The following PRKAG2 variants were observed in gnomAD, a reference collection of about 807,000 sequenced individuals.
The protein encoded by PRKAG2 is 5'-AMP-activated protein kinase subunit gamma-2.
Under a neutral mutation model 69.6 loss-of-function variants are expected in PRKAG2, and 26 were observed. The ratio of observed to expected loss-of-function variants is 0.37; its 90% CI spans 0.27 to 0.52. PRKAG2 has a LOEUF of 0.52. Ranked by LOEUF, PRKAG2 falls within the 20% of genes least tolerant of loss-of-function variation. The pLI is 0.90. For synonymous variants in PRKAG2, 293 were observed against 285.0 expected, an observed-to-expected ratio of 1.03 and a Z score of -0.28; for missense variants, 557 against 740.0, an observed-to-expected ratio of 0.75 and a Z score of 2.87.
chr7:151,871,707 T>G (rs1018671477), intron 1 of PRKAG2, among the ~76,000 whole-genome samples: 3 of 152,232 alleles, frequency 2.0e-5, no homozygotes, highest in African/African-American at 4.8e-5. Flanking sequence ...GGATTCTTCC[T>G]TCCTGGTGTC....
intron 3 of PRKAG2, among the ~76,000 whole-genome samples, chr7:151,755,090 T>C (rs2074991774): frequency 1.3e-5 from 2 of 152,108 alleles, no homozygotes. Flanking sequence ...TTCAGAGCTG[T>C]CCTGAGCGGG....
intron 3 of PRKAG2, among the ~76,000 whole-genome samples, chr7:151,696,094 G>A (rs1203982693): frequency 6.6e-6 from 1 of 152,186 alleles, no homozygotes; most frequent in Non-Finnish European, 1.5e-5. Context: ...CCTCCTATCA[G>A]TGCCTCCTCT....
At chr7:151,832,204 A>G (rs2079040769) in intron 1 of PRKAG2, among the ~76,000 whole-genome samples, 1 of 136,730 alleles carries the variant, frequency 7.3e-6, no homozygotes, top group African/African-American at 2.7e-5. Context: ...GACTGATTAG[A>G]GGGAGGAAGA....
intron 1 of PRKAG2, among the ~76,000 whole-genome samples, chr7:151,864,269 G>T (rs1388601554): frequency 6.6e-6 from 1 of 152,218 alleles, no homozygotes. Flanking sequence ...AGCCAGGGTG[G>T]GACTCCTCTC....
intron 3 of PRKAG2, among the ~76,000 whole-genome samples, chr7:151,717,016 G>A (rs1168518535): frequency 6.6e-6 from 1 of 152,200 alleles, no homozygotes; most frequent in Non-Finnish European, 1.5e-5. Flanking sequence ...GGAGGCCAAG[G>A]TGGGTGGATC....
Position 151,807,906 on chromosome 7 carries a change from G to C in PRKAG2, c.115-21365C>G, listed in dbSNP as rs2078200973. On this transcript the variant is annotated intron_variant, in intron 1 of 15. Coordinates refer to ENST00000287878, the MANE Select transcript of PRKAG2 (RefSeq NM_016203.4). The surrounding 1 kb of genome is among the most constrained non-coding windows in gnomAD (Gnocchi z 4.4). ...GGAGAATAAAAGTCGGGGGAAGCCT[G>C]TAGTGGGGACGCTAGACTCAAGGGA... 1.3e-5 allele frequency among the ~76,000 whole-genome samples: 2 copies of C among 152,210 alleles called. No individual in the cohort carries two copies. Among genetic ancestry groups the C allele is most frequent in the Admixed American group, 1.3e-4 (2 of 15,286 alleles).
At chr7:151,755,176 C>T (rs538089739) in intron 3 of PRKAG2, among the ~76,000 whole-genome samples, 18 of 152,084 alleles carry the variant, frequency 1.2e-4, no homozygotes, top group African/African-American at 3.6e-4. Flanking sequence ...TGAAGGCTGG[C>T]GAGGTGGTGC....
chr7:151,802,161 T>A (rs2077872937), intron 1 of PRKAG2, among the ~76,000 whole-genome samples: 1 of 152,220 alleles, frequency 6.6e-6, no homozygotes, highest in African/African-American at 2.4e-5. Flanking sequence ...TCAGGCCCTG[T>A]GGGACATCCC....
chr7:151,617,291 G>A (rs1563266862), intron 5 of PRKAG2, among the ~76,000 whole-genome samples: 1 of 97,988 alleles, frequency 1.0e-5, no homozygotes, highest in Non-Finnish European at 2.2e-5. Flanking sequence ...AAAGAGGGAG[G>A]GGGGGAGGGA....
At chr7:151,578,445 A>G (rs1472422440) in intron 6 of PRKAG2, among the ~76,000 whole-genome samples, 1 of 152,226 alleles carries the variant, frequency 6.6e-6, no homozygotes, top group Non-Finnish European at 1.5e-5. Flanking sequence ...CTTTAGGACT[A>G]ATAACTTAGT....
chr7:151,865,601 A>G (rs563501180), intron 1 of PRKAG2, among the ~76,000 whole-genome samples: 27 of 152,364 alleles, frequency 1.8e-4, no homozygotes, highest in African/African-American at 6.5e-4. Flanking sequence ...AGAAGCCCCT[A>G]GACAGGTGAC....
intron 1 of PRKAG2, among the ~76,000 whole-genome samples, chr7:151,866,210 C>G (rs1328702735): frequency 1.3e-5 from 2 of 152,142 alleles, no homozygotes; most frequent in African/African-American, 4.8e-5. Flanking sequence ...GGCCCACCGT[C>G]CAGCCTCAGC....
At chr7:151,701,873 G>A (rs1000117802) in intron 3 of PRKAG2, among the ~76,000 whole-genome samples, 1 of 148,948 alleles carries the variant, frequency 6.7e-6, no homozygotes, top group Non-Finnish European at 1.5e-5. Context: ...AAGGATTGCC[G>A]AGAACTGCCA....
chr7:151,767,684 G>A (rs575831865), intron 3 of PRKAG2, among the ~76,000 whole-genome samples: 32 of 152,352 alleles, frequency 2.1e-4, no homozygotes, highest in Non-Finnish European at 3.5e-4. Context: ...ATCCACACTC[G>A]CTTAGATATC....
At chr7:151,707,149 T>C (rs975888644) in intron 3 of PRKAG2, among the ~76,000 whole-genome samples, 4 of 152,204 alleles carry the variant, frequency 2.6e-5, no homozygotes, top group Non-Finnish European at 4.4e-5. Context: ...AGCACCTGGA[T>C]AGCAACTGGA....
At chr7:151,675,307 G>T in intron 4 of PRKAG2, 113 bp downstream of exon 4, 1 of 1,018,490 alleles carries the variant, frequency 9.8e-7, no homozygotes. Flanking sequence ...GAAGATGTCG[G>T]GAGCACACGA....
At position 151,638,590 on chromosome 7, in the gene PRKAG2, CA is replaced by C; in HGVS notation, c.685-6453del. Among the ~76,000 whole-genome samples, 1 of 152,084 alleles carries C rather than the reference CA, an allele frequency of 6.6e-6. No homozygotes were observed. Among genetic ancestry groups the C allele is most frequent in the African/African-American group, 2.4e-5 (1 of 41,456 alleles). On this transcript the variant is annotated intron_variant, in intron 4 of 15. Coordinates refer to ENST00000287878, the MANE Select transcript of PRKAG2 (RefSeq NM_016203.4). This position sits in a 1 kb window ranked among gnomAD's most constrained non-coding sequence, Gnocchi z 4.3. ...CGGAACTTGGAGTGAGCCAAGATTG[CA>C]CCACTGCACTCCAGCTTGGCGACAG...
At chr7:151,875,490 C>T (rs2080366153) in intron 1 of PRKAG2, among the ~76,000 whole-genome samples, 1 of 152,002 alleles carries the variant, frequency 6.6e-6, no homozygotes, top group Non-Finnish European at 1.5e-5. Context: ...ATGAGGGGTC[C>T]GGACAGCCCA....
At chr7:151,706,636 A>G (rs971027326) in intron 3 of PRKAG2, among the ~76,000 whole-genome samples, 1 of 152,214 alleles carries the variant, frequency 6.6e-6, no homozygotes, top group African/African-American at 2.4e-5. Flanking sequence ...TTTTTATAGA[A>G]TTTCAAGCTG....
Sources: gnomAD v4.1 joint callset for allele counts (sites outside exome capture counted in the v4.1 genomes callset) on GRCh38, gnomAD v4.1.1 for gene constraint, Gnocchi (gnomAD v3.1) non-coding constraint, MANE v1.5 for transcripts, NCBI Gene and HGNC (gene_info 2026-07-23, HGNC 2026-07-21) for gene names.